Variants in TECPR2 observed in about 807,000 individuals in gnomAD.
TECPR2 encodes tectonin beta-propeller repeat-containing protein 2.
In TECPR2, 65 loss-of-function variants were observed where a neutral mutation model predicts 138.1. That is an observed-to-expected ratio of 0.47 (90% CI 0.39 to 0.58). TECPR2 has a LOEUF of 0.58. TECPR2 is among the 20% of genes least tolerant of loss of function. The pLI, the probability that TECPR2 is intolerant of heterozygous loss-of-function variation, is 0.00. For synonymous variants in TECPR2, 746 were observed against 749.8 expected (o/e 0.99, Z 0.08); for missense variants, 1,553 against 1,824.5 (o/e 0.85, Z 2.71).
At chr14:102,461,564 T>C (rs1890411756) in intron 16 of TECPR2, among the ~76,000 whole-genome samples, 1 of 151,896 alleles carries the variant, frequency 6.6e-6, no homozygotes, top group South Asian at 2.1e-4. Context: ...GACAGGAAAA[T>C]GTCAGTGTGT....
chr14:102,436,085 C>G (rs1234585626), intron 9 of TECPR2, among the ~76,000 whole-genome samples: 1 of 152,188 alleles, frequency 6.6e-6, no homozygotes, highest in Non-Finnish European at 1.5e-5. Context: ...AACTCTTTTA[C>G]TTCTCTAAAC....
intron 17 of TECPR2, among the ~76,000 whole-genome samples, chr14:102,491,581 C>T (rs1178439708): frequency 6.6e-6 from 1 of 152,230 alleles, no homozygotes; most frequent in Admixed American, 6.5e-5. Flanking sequence ...CTTCTTCCCT[C>T]AGCCTGAAGC....
At chr14:102,486,352 T>C (rs1477594179) in intron 17 of TECPR2, among the ~76,000 whole-genome samples, 1 of 152,066 alleles carries the variant, frequency 6.6e-6, no homozygotes, top group Non-Finnish European at 1.5e-5. Context: ...CACGCTGGAG[T>C]GCAGTGACAC....
intron 4 of TECPR2, among the ~76,000 whole-genome samples, 194 bp downstream of exon 4, chr14:102,408,813 A>C (rs1368272972): frequency 1.3e-5 from 2 of 152,220 alleles, no homozygotes; most frequent in Non-Finnish European, 2.9e-5. Flanking sequence ...GAGTTGGCCT[A>C]CTGGAACATT....
chr14:102,457,818 C>T (rs990460869), intron 16 of TECPR2, among the ~76,000 whole-genome samples: 1 of 150,782 alleles, frequency 6.6e-6, no homozygotes, highest in African/African-American at 2.5e-5. Context: ...TTTAGCCTCC[C>T]CCAATTGTGC....
In TECPR2 at chr14:102,407,442, T is replaced by G. The variant is rs2139693393; in HGVS notation, c.324T>G (p.Ser108=). 1 of 1,613,308 alleles carries G rather than the reference T, an allele frequency of 6.2e-7. No individual in the cohort carries two copies. The highest frequency in any genetic ancestry group is 1.7e-4 in the Middle Eastern group (1 of 6,058). The change falls in exon 3 of 20, where the codon TCT becomes TCG. Residue 108 remains serine, a synonymous_variant. Transcript: ENST00000359520. ...GGGTTGCAGTTTTTCAACTTGTATC[T>G]TCATTGCCAGGGAGAAATAAACAGG... The part of the protein sequence containing the change: ...SGRVAVFQLV[S]SLPGRNKQLR...
intron 16 of TECPR2, among the ~76,000 whole-genome samples, chr14:102,460,665 G>A (rs117484368): frequency 0.027 from 4,066 of 150,732 alleles, 78 homozygotes; most frequent in Middle Eastern, 0.089. Flanking sequence ...CTTTAGCGAA[G>A]TATCAAATAA....
At chr14:102,422,660 C>G (rs1458499066) in intron 5 of TECPR2, among the ~76,000 whole-genome samples, 2 of 152,042 alleles carry the variant, frequency 1.3e-5, no homozygotes, top group Admixed American at 1.3e-4. Context: ...ATTAAACCAA[C>G]AAAAAAGTGA....
intron 6 of TECPR2, among the ~76,000 whole-genome samples, chr14:102,427,471 G>C (rs773455548): frequency 5.9e-5 from 9 of 152,188 alleles, no homozygotes; most frequent in Admixed American, 3.3e-4. Context: ...GTTTGCAGCA[G>C]TCCATCAGTT....
At chr14:102,495,889 G>T (rs144096036) in intron 17 of TECPR2, among the ~76,000 whole-genome samples, 228 of 152,352 alleles carry the variant, frequency 1.5e-3, no homozygotes, top group African/African-American at 5.0e-3. Context: ...AGGGCACCTC[G>T]ATCCGGGAGG....
At position 102,445,811 on chromosome 14, in the gene TECPR2, G is replaced by C. The variant is rs144147210; in HGVS notation, c.2939G>C (p.Arg980Thr). 2.5e-3 allele frequency: 3,997 copies of C among 1,613,744 alleles called. 19 individuals are homozygous for C. The highest frequency in any genetic ancestry group is 1.9e-3 in the Non-Finnish European group (2,189 of 1,179,860). The change falls in exon 13 of 20, where the codon AGG (arginine) becomes ACG (threonine). Residue 980 changes from arginine (R) to threonine (T), a missense_variant. Arg to Thr is a moderately conservative substitution (Grantham distance 71, BLOSUM62 -1). Transcript: ENST00000359520. ...EQWKCDIVSE[R>T]QALEPVCITL... ...GTTCTCCTCCTTATTTTCAGCGAAA[G>C]GCAAGCTTTAGAACCCGTCTGCATA...
intron 2 of TECPR2, among the ~76,000 whole-genome samples, chr14:102,389,022 CAGGAGGCTG>C (rs1888097763): frequency 1.3e-5 from 2 of 149,528 alleles, no homozygotes; most frequent in Admixed American, 6.7e-5. Flanking sequence ...CCCAGCTACT[CAGGAGGCTG>C]AGGCAGGAGA....
rs576594378 is a variant in TECPR2, at chr14:102,454,386, A to G, written c.3640+1759A>G. ...CTTTTGCCTGAAAAGGCCCCTGAAC[A>G]CTAACTCAGCTGAAGAAGCAAGTTC... On this transcript the variant is annotated intron_variant, in intron 16 of 19. Coordinates refer to ENST00000359520, the MANE Select transcript of TECPR2 (RefSeq NM_014844.5). 3.3e-5 allele frequency among the ~76,000 whole-genome samples: 5 copies of G among 152,252 alleles called. No homozygotes were observed. In the Middle Eastern group the frequency reaches 0.017, roughly 518 times the overall value.
At chr14:102,482,858 T>G (rs1890924435) in intron 17 of TECPR2, among the ~76,000 whole-genome samples, 1 of 136,844 alleles carries the variant, frequency 7.3e-6, no homozygotes, top group Non-Finnish European at 1.6e-5. Context: ...TTTTTTTTTT[T>G]TTTGAGACGG....
chr14:102,450,005 A>G, intron 14 of TECPR2, 136 bp downstream of exon 14: 2 of 1,301,514 alleles, frequency 1.5e-6, no homozygotes, highest in Non-Finnish European at 2.1e-6. Flanking sequence ...TAGTGGAGGC[A>G]CTCTATGCTT....
intron 17 of TECPR2, among the ~76,000 whole-genome samples, chr14:102,490,667 C>A (rs981206476): frequency 2.0e-5 from 3 of 152,350 alleles, no homozygotes; most frequent in Middle Eastern, 3.4e-3. Flanking sequence ...GCAGAGCAGA[C>A]ACCCCAGGGC....
intron 4 of TECPR2, among the ~76,000 whole-genome samples, chr14:102,411,933 C>T (rs954767011): frequency 9.9e-5 from 15 of 151,758 alleles, no homozygotes; most frequent in Admixed American, 2.0e-4. Flanking sequence ...TTAAAGGTTA[C>T]GGTGACAAAT....
In TECPR2 at chr14:102,443,687, G is replaced by A. The variant is rs1424632059; in HGVS notation, c.2793G>A (p.Val931=). The A allele has an allele frequency of 6.2e-7, 1 of 1,608,676 alleles. No homozygotes were observed. Among genetic ancestry groups the A allele is most frequent in the South Asian group, 1.1e-5 (1 of 90,546 alleles). ...VDRPCARAVK[V]DCPYPLSQIT... Reference sequence around the variant, plus strand: ...GCCCTTGTGCCAGAGCCGTAAAGGTGGACTGTCCCTACCCGCTGTCCCAGA... The same window carrying A: ...GCCCTTGTGCCAGAGCCGTAAAGGTAGACTGTCCCTACCCGCTGTCCCAGA... The change falls in exon 12 of 20, where the codon GTG becomes GTA. Residue 931 remains valine (V), a synonymous_variant. Coordinates refer to ENST00000359520, the MANE Select transcript of TECPR2 (RefSeq NM_014844.5). The surrounding 1 kb of genome is among the most constrained non-coding windows in gnomAD (Gnocchi z 4.9).
intron 1 of TECPR2, among the ~76,000 whole-genome samples, chr14:102,369,705 G>T (rs1394091083): frequency 1.3e-5 from 2 of 152,094 alleles, no homozygotes; most frequent in South Asian, 2.1e-4. Context: ...ACTTTGGGAG[G>T]CCGAGGCGGG....
Sources: gnomAD v4.1 joint callset for allele counts (sites outside exome capture counted in the v4.1 genomes callset) on GRCh38, gnomAD v4.1.1 for gene constraint, Gnocchi (gnomAD v3.1) non-coding constraint, MANE v1.5 for transcripts, NCBI Gene and HGNC (gene_info 2026-07-23, HGNC 2026-07-21) for gene names.